PHACTR3: variants seen among roughly 807,000 people sequenced by gnomAD.
PHACTR3 encodes protein phosphatase 1, regulatory subunit 123.
Under a neutral mutation model 66.8 loss-of-function variants are expected in PHACTR3, and 16 were observed. That is an observed-to-expected ratio of 0.24 (90% CI 0.16 to 0.36). The LOEUF is 0.36. Among genes scored for constraint, PHACTR3 ranks in the 10% least tolerant of loss-of-function variants. PHACTR3 has a pLI of 1.00. For synonymous variants in PHACTR3, 323 were observed against 292.1 expected (o/e 1.11, Z -1.08); for missense variants, 647 against 719.9 (o/e 0.90, Z 1.16).
At chr20:59,638,830 A>T (rs1421245738) in intron 1 of PHACTR3, among the ~76,000 whole-genome samples, 5 of 140,668 alleles carry the variant, frequency 3.6e-5, no homozygotes, top group African/African-American at 1.4e-4. Context: ...GGGTAGATGG[A>T]TGGATGGGTT....
intron 1 of PHACTR3, among the ~76,000 whole-genome samples, chr20:59,590,421 T>C (rs751580051): frequency 3.4e-4 from 51 of 152,190 alleles, no homozygotes; most frequent in Non-Finnish European, 6.2e-4. Context: ...ATGCAGCCAG[T>C]CATCCTGGTT....
chr20:59,775,431 A>G (rs1220699238), intron 7 of PHACTR3, among the ~76,000 whole-genome samples: 1 of 152,036 alleles, frequency 6.6e-6, no homozygotes, highest in Non-Finnish European at 1.5e-5. Flanking sequence ...GTCGGTGCTG[A>G]CCCTGGCTGG....
rs887110147 is a variant in PHACTR3 at position 59,615,098 on chromosome 20, C to T, written c.118+9966C>T. ...TATACAACCAGAGATACAGGTTTTC[C>T]ATCAAGAGGGGGCCTATAGAAGTGT... On this transcript the variant is annotated intron_variant, in intron 1 of 12. Transcript: ENST00000371015. Among the ~76,000 whole-genome samples, 4 of 152,194 alleles carry T rather than the reference C, an allele frequency of 2.6e-5. No individual in the cohort carries two copies. In the East Asian group the frequency reaches 7.7e-4, roughly 29 times the overall value.
intron 8 of PHACTR3, among the ~76,000 whole-genome samples, chr20:59,809,880 A>C (rs1239496609): frequency 6.6e-6 from 1 of 152,234 alleles, no homozygotes; most frequent in African/African-American, 2.4e-5. Context: ...CATTGGGTCC[A>C]GCTGGCACTT....
chr20:59,732,666 T>C (rs1460232813), intron 1 of PHACTR3, among the ~76,000 whole-genome samples: 1 of 152,124 alleles, frequency 6.6e-6, no homozygotes, highest in Admixed American at 6.5e-5. Context: ...GCTCGGGAAT[T>C]GCAGTTACCT....
Position 59,806,276 on chromosome 20 carries a change from G to A in PHACTR3, c.1328+82G>A, listed in dbSNP as rs2041566077. 14 of 1,531,406 alleles carry A rather than the reference G, an allele frequency of 9.1e-6. No homozygotes were observed. In the South Asian group the frequency reaches 1.0e-4, roughly 11 times the overall value. 94.9% of individuals were successfully genotyped at this position (1,531,406 alleles called of 1,614,324 possible). On this transcript the variant is annotated intron_variant, in intron 8 of 12. Coordinates refer to ENST00000371015, the MANE Select transcript of PHACTR3 (RefSeq NM_080672.5). ...CCCTCTGAGATCCCACATCCTGGGT[G>A]TGCCAGGCCGGGACGCACAACCCAC...
At chr20:59,601,799 A>C (rs1349211706), upstream of PHACTR3, among the ~76,000 whole-genome samples, 1 of 152,236 alleles carries the variant, frequency 6.6e-6, no homozygotes, top group East Asian at 1.9e-4. Flanking sequence ...ACCTACCTTT[A>C]ACAAACCACA....
chr20:59,737,832 GGAGTGAGTGAGT>G (rs542487884), intron 1 of PHACTR3, among the ~76,000 whole-genome samples: 1 of 152,084 alleles, frequency 6.6e-6, no homozygotes, highest in Non-Finnish European at 1.5e-5. Context: ...GTTGAAAGGT[GGAGTGAGTGAGT>G]GAGTGAGTGA....
At chr20:59,688,661 C>A (rs1275239813) in intron 1 of PHACTR3, among the ~76,000 whole-genome samples, 1 of 152,110 alleles carries the variant, frequency 6.6e-6, no homozygotes, top group Non-Finnish European at 1.5e-5. Flanking sequence ...CTCTCCCTGA[C>A]CTTTTTTTGA....
At chr20:59,665,809 T>C (rs949221038) in intron 1 of PHACTR3, among the ~76,000 whole-genome samples, 58 of 151,614 alleles carry the variant, frequency 3.8e-4, no homozygotes, top group African/African-American at 1.3e-3. Flanking sequence ...GTGTGGGGAG[T>C]ACAGAACCCG....
At chr20:59,836,683 C>T in intron 9 of PHACTR3, 123 bp downstream of exon 9, 1 of 878,012 alleles carries the variant, frequency 1.1e-6, no homozygotes, top group Non-Finnish European at 1.7e-6. Flanking sequence ...CCCAGTAAAC[C>T]TGAGCTGCTG....
intron 1 of PHACTR3, among the ~76,000 whole-genome samples, chr20:59,680,958 A>G (rs1441121563): frequency 6.6e-6 from 1 of 152,232 alleles, no homozygotes; most frequent in African/African-American, 2.4e-5. Context: ...GGGTATGCTT[A>G]AAATATTGAT....
intron 8 of PHACTR3, among the ~76,000 whole-genome samples, chr20:59,815,627 G>C (rs1444663693): frequency 6.6e-6 from 1 of 152,074 alleles, no homozygotes; most frequent in African/African-American, 2.4e-5. Context: ...GTTTCACCAT[G>C]TTGGCCAGGA....
At chr20:59,755,138 G>T (rs751994134) in intron 3 of PHACTR3, 44 bp from the exon 4 acceptor site, 1 of 1,583,100 alleles carries the variant, frequency 6.3e-7, no homozygotes, top group East Asian at 2.2e-5. Flanking sequence ...AAGGGATGAA[G>T]GAAGGGAGGT....
chr20:59,718,281 T>C (rs975970537), intron 1 of PHACTR3, among the ~76,000 whole-genome samples: 1 of 152,184 alleles, frequency 6.6e-6, no homozygotes, highest in Admixed American at 6.5e-5. Context: ...CCTCTCCTGG[T>C]TGCTGTGTGG....
chr20:59,684,509 G>A (rs1199072484), intron 1 of PHACTR3, among the ~76,000 whole-genome samples: 6 of 152,192 alleles, frequency 3.9e-5, no homozygotes, highest in Non-Finnish European at 7.3e-5. Context: ...GCCTGGAGAT[G>A]GGAGTTGTCC....
At chr20:59,735,038 C>A (rs1024798078) in intron 1 of PHACTR3, among the ~76,000 whole-genome samples, 3 of 152,118 alleles carry the variant, frequency 2.0e-5, no homozygotes, top group Non-Finnish European at 2.9e-5. Context: ...CCTAGCACCA[C>A]TTTGTCCCTC....
rs1030064278 is a variant in PHACTR3, at chr20:59,608,464, C to T, written c.118+3332C>T. 2.0e-5 allele frequency among the ~76,000 whole-genome samples: 3 copies of T among 152,234 alleles called. No individual in the cohort carries two copies. In the East Asian group the frequency reaches 5.8e-4, roughly 29 times the overall value. ...CCTGATCTTTCCTCCTTCAGAGGAGCTCATGGTCACAAGGGGTTTTGCTTC... is the reference window on the plus strand; with the variant it reads ...CCTGATCTTTCCTCCTTCAGAGGAGTTCATGGTCACAAGGGGTTTTGCTTC... On this transcript the variant is annotated intron_variant, in intron 1 of 12. Transcript: ENST00000371015.
intron 1 of PHACTR3, among the ~76,000 whole-genome samples, chr20:59,632,058 G>A (rs1395517214): frequency 2.0e-5 from 3 of 152,220 alleles, no homozygotes; most frequent in Admixed American, 6.5e-5. Flanking sequence ...TGTACGGGAC[G>A]TGTGGGGACT....
Sources: allele counts gnomAD v4.1 joint callset (sites outside exome capture counted in the v4.1 genomes callset), GRCh38; gene constraint gnomAD v4.1.1; transcripts MANE v1.5; gene names NCBI Gene and HGNC (gene_info 2026-07-23, HGNC 2026-07-21).